The following CTNNA3 variants were observed in gnomAD, a reference collection of about 807,000 sequenced individuals.
CTNNA3 encodes catenin alpha 3.
A neutral mutation model predicts 95.7 loss-of-function variants in CTNNA3; 76 were observed. The observed-to-expected ratio is 0.79, with a 90% CI of 0.66 to 0.96. CTNNA3 has a LOEUF of 0.96. CTNNA3 is among the 40% of genes least tolerant of loss of function. The pLI is 0.00. For missense variants in CTNNA3, 1,191 were observed against 1,089.8 expected, an observed-to-expected ratio of 1.09 and a Z score of -1.31; for synonymous variants, 431 against 374.4, an observed-to-expected ratio of 1.15 and a Z score of -1.74.
rs1839999811 is a variant in CTNNA3, at chr10:67,521,916, C to G, written c.505G>C (p.Asp169His). The G allele has an allele frequency of 6.2e-7, 1 of 1,612,682 alleles. No individual in the cohort carries two copies. Among genetic ancestry groups the G allele is most frequent in the East Asian group, 2.2e-5 (1 of 44,866 alleles). ...ESLKNVANKSDLQKTYQKLGK... is the reference protein window; with the variant it reads ...ESLKNVANKSHLQKTYQKLGK... ...AGCTTCTGGTAGGTTTTCTGGAGGT[C>G]AGATTTGTTGGCAACATTTTTGAGA... Residue 169 changes from aspartate to histidine, a missense_variant, in exon 5 of 18, where the codon GAC becomes CAC. Transcript: ENST00000433211.
intron 7 of CTNNA3, among the ~76,000 whole-genome samples, chr10:66,913,957 T>C (rs528176727): frequency 1.3e-5 from 2 of 152,264 alleles, no homozygotes; most frequent in African/African-American, 4.8e-5. Flanking sequence ...TTTCCCTGCC[T>C]TGCCCCCAGA....
At chr10:66,137,031 A>G (rs370192134) in intron 13 of CTNNA3, among the ~76,000 whole-genome samples, 1 of 152,122 alleles carries the variant, frequency 6.6e-6, no homozygotes, top group Non-Finnish European at 1.5e-5. Flanking sequence ...CATGTTGGCT[A>G]GGCTGTTCTC....
At chr10:66,327,295 G>T (rs1453582614) in intron 12 of CTNNA3, among the ~76,000 whole-genome samples, 1 of 152,050 alleles carries the variant, frequency 6.6e-6, no homozygotes, top group East Asian at 1.9e-4. Flanking sequence ...TGAATAAATT[G>T]TGTTAAATAA....
intron 10 of CTNNA3, 61 bp downstream of exon 10, chr10:66,621,631 G>T: frequency 6.7e-6 from 6 of 899,620 alleles, no homozygotes; most frequent in Non-Finnish European, 8.6e-6. Context: ...ATTTTCATAT[G>T]CATAAAAGCA....
chr10:66,234,042 AG>A (rs1374583796), intron 13 of CTNNA3, among the ~76,000 whole-genome samples: 3 of 152,170 alleles, frequency 2.0e-5, no homozygotes, highest in African/African-American at 7.2e-5. Context: ...AAAAAATAAC[AG>A]GCAAAATTAA....
chr10:66,224,512 G>A (rs929863718), intron 13 of CTNNA3, among the ~76,000 whole-genome samples: 6 of 152,092 alleles, frequency 3.9e-5, no homozygotes, highest in African/African-American at 1.4e-4. Context: ...TAAAATATTT[G>A]CTTTAAGGTA....
chr10:67,128,149 A>G (rs924189209), intron 7 of CTNNA3, among the ~76,000 whole-genome samples: 1 of 152,128 alleles, frequency 6.6e-6, no homozygotes, highest in South Asian at 2.1e-4. Context: ...TTATGTGTCA[A>G]CTTGACTGGC....
At chr10:66,925,246 G>A (rs950839392) in intron 7 of CTNNA3, among the ~76,000 whole-genome samples, 1 of 152,156 alleles carries the variant, frequency 6.6e-6, no homozygotes, top group African/African-American at 2.4e-5. Flanking sequence ...CTTTAAAAGA[G>A]AGGTTATAAT....
rs946795588 is a variant in CTNNA3, at chr10:66,334,366, C to A, written c.1732+44786G>T. Among the ~76,000 whole-genome samples the A allele has an allele frequency of 1.3e-5, 2 of 151,782 alleles. 1 individual carries two copies. The highest frequency in any genetic ancestry group is 4.2e-4 in the South Asian group (2 of 4,812). On this transcript the variant is annotated intron_variant, in intron 12 of 17. Coordinates refer to ENST00000433211, the MANE Select transcript of CTNNA3 (RefSeq NM_013266.4). ...GGCATGTTTTTGCAGTGGCTGGTAC[C>A]GGTTGTTCCTTTCCATGTGTAGTGC...
chr10:66,567,346 G>A (rs910646296), intron 10 of CTNNA3, among the ~76,000 whole-genome samples: 8 of 152,176 alleles, frequency 5.3e-5, no homozygotes, highest in East Asian at 1.9e-4. Context: ...CTGGCCTGGC[G>A]AGGTGGATCA....
chr10:66,320,872 G>T (rs59332626), intron 12 of CTNNA3, among the ~76,000 whole-genome samples: 15,851 of 152,096 alleles, frequency 0.1, 1,112 homozygotes, highest in East Asian at 0.21. Flanking sequence ...TAAAGTGGCT[G>T]AGAAAATATT....
chr10:66,907,113 A>G lies in CTNNA3; in HGVS notation c.1048-131589T>C, dbSNP rs565664316. On this transcript the variant is annotated intron_variant, in intron 7 of 17. Coordinates refer to ENST00000433211, the MANE Select transcript of CTNNA3 (RefSeq NM_013266.4). Reference sequence around the variant, plus strand: ...ATTGATTCTTTCAATTCAAAAATGTATCTCTGTTCATTCTGTCCCTCAATA... The same window carrying G: ...ATTGATTCTTTCAATTCAAAAATGTGTCTCTGTTCATTCTGTCCCTCAATA... Among the ~76,000 whole-genome samples, 19 of 152,294 alleles carry G rather than the reference A, an allele frequency of 1.2e-4. No homozygotes were observed. In the South Asian group the frequency reaches 3.9e-3, roughly 32 times the overall value.
chr10:67,726,402 T>TTATATATCATATATAATATTATATATTA (rs1336352904), intron 1 of CTNNA3, among the ~76,000 whole-genome samples: 4 of 44,038 alleles, frequency 9.1e-5, no homozygotes, highest in Non-Finnish European at 1.3e-4. Flanking sequence ...ATATTATATA[T>TTATATATCATATATAATATTATATATTA]TATATCATAT....
At chr10:67,736,685 G>C (rs1327484002) in intron 1 of CTNNA3, among the ~76,000 whole-genome samples, 1 of 151,876 alleles carries the variant, frequency 6.6e-6, no homozygotes, top group African/African-American at 2.4e-5. Flanking sequence ...TCGATCTCCT[G>C]ACCTCGTGTT....
chr10:66,423,552 C>T (rs1424492813), intron 11 of CTNNA3, among the ~76,000 whole-genome samples: 1 of 152,074 alleles, frequency 6.6e-6, no homozygotes, highest in Non-Finnish European at 1.5e-5. Flanking sequence ...AGAAACATTC[C>T]AACCCTAAGA....
intron 1 of CTNNA3, among the ~76,000 whole-genome samples, chr10:67,687,315 A>G (rs1360216196): frequency 6.6e-6 from 1 of 152,010 alleles, no homozygotes; most frequent in Non-Finnish European, 1.5e-5. Context: ...GAACCATTGT[A>G]CTCTGGGGCA....
intron 7 of CTNNA3, among the ~76,000 whole-genome samples, chr10:67,168,693 C>T (rs1186291180): frequency 2.0e-5 from 3 of 152,192 alleles, no homozygotes; most frequent in African/African-American, 4.8e-5. Flanking sequence ...AGGGCAAAAG[C>T]TGCAAGCATT....
intron 5 of CTNNA3, among the ~76,000 whole-genome samples, chr10:67,430,737 T>A (rs1233071669): frequency 1.3e-5 from 2 of 150,754 alleles, no homozygotes; most frequent in African/African-American, 4.9e-5. Context: ...TAGGGTCTAA[T>A]GAAAGATTAA....
intron 9 of CTNNA3, among the ~76,000 whole-genome samples, chr10:66,689,440 G>A (rs934387797): frequency 1.3e-5 from 2 of 152,026 alleles, no homozygotes; most frequent in Non-Finnish European, 2.9e-5. Flanking sequence ...ATTTTACCAT[G>A]TCATAATCAT....
Sources: allele counts gnomAD v4.1 joint callset (sites outside exome capture counted in the v4.1 genomes callset), GRCh38; gene constraint gnomAD v4.1.1; transcripts MANE v1.5; gene names NCBI Gene and HGNC (gene_info 2026-07-23, HGNC 2026-07-21).